Variants in CDKL3 observed in about 807,000 individuals in gnomAD.
The protein encoded by CDKL3 is cyclin dependent kinase like 3.
Under a neutral mutation model 69.3 loss-of-function variants are expected in CDKL3, and 65 were observed. The observed-to-expected ratio is 0.94, with a 90% CI of 0.77 to 1.15. The LOEUF is 1.15. CDKL3 is among the 50% of genes most tolerant of loss of function. CDKL3 has a pLI of 0.00. For synonymous variants in CDKL3, 202 were observed against 221.6 expected (o/e 0.91, Z 0.79); for missense variants, 652 against 689.2 (o/e 0.95, Z 0.61).
chr5:134,346,345 A>G (rs1751862656), intron 4 of CDKL3, among the ~76,000 whole-genome samples: 1 of 152,134 alleles, frequency 6.6e-6, no homozygotes, highest in South Asian at 2.1e-4. Context: ...ATAAAATCAG[A>G]CAGTGTTCTC....
intron 3 of CDKL3, among the ~76,000 whole-genome samples, chr5:134,351,521 A>G (rs955045590): frequency 1.3e-5 from 2 of 152,128 alleles, no homozygotes; most frequent in Admixed American, 6.6e-5. Flanking sequence ...TCAAGCAAGG[A>G]GCCTACCACC....
intron 4 of CDKL3, among the ~76,000 whole-genome samples, chr5:134,338,714 T>A (rs1020466628): frequency 2.7e-5 from 4 of 149,104 alleles, no homozygotes; most frequent in South Asian, 2.1e-4. Context: ...CACACACAGA[T>A]AGTAAAAAAA....
intron 10 of CDKL3, 35 bp downstream of exon 10, chr5:134,306,574 G>C: frequency 8.5e-7 from 1 of 1,172,148 alleles, no homozygotes; most frequent in Non-Finnish European, 1.3e-6. Flanking sequence ...AATGTTAAAA[G>C]AGGCCATATT....
At chr5:134,303,550 T>G (rs911540777) in intron 11 of CDKL3, among the ~76,000 whole-genome samples, 29 of 151,412 alleles carry the variant, frequency 1.9e-4, no homozygotes, top group Non-Finnish European at 4.4e-5. Context: ...TAATAAAAAA[T>G]TTATCCTTTG....
downstream of CDKL3, chr5:134,298,376 T>C (rs1206758841): frequency 8.3e-7 from 1 of 1,199,726 alleles, no homozygotes; most frequent in African/African-American, 1.6e-5. Flanking sequence ...GTTTGTATCA[T>C]GTCACGGCTT....
At chr5:134,371,336 C>T (rs1758380495), upstream of CDKL3, 3 of 589,648 alleles carry the variant, frequency 5.1e-6, no homozygotes, top group Admixed American at 9.1e-5. Context: ...GAACCGCGCC[C>T]CGCTGAAGGG....
In CDKL3 at chr5:134,366,973, G is replaced by C; in HGVS notation, c.-22+4C>G. ...CTCAAACCACACGTCTTAGGATGCC[G>C]GACCGGCGTCACGCCCCACGTCCCG... On this transcript the variant is annotated splice_donor_region_variant and intron_variant, in intron 1 of 12. Coordinates refer to ENST00000265334, the MANE Select transcript of CDKL3 (RefSeq NM_001113575.2). 2.0e-6 allele frequency: 2 copies of C among 989,594 alleles called. No individual in the cohort carries two copies. Among genetic ancestry groups the C allele is most frequent in the Non-Finnish European group, 2.4e-6 (2 of 832,726 alleles). 61.3% of individuals were successfully genotyped at this position (989,594 alleles called of 1,614,324 possible). A position where few individuals can be genotyped will look rare whatever the true frequency, so the allele number is the denominator to read the frequency against.
rs754299459 is a variant in CDKL3 at position 134,359,859 on chromosome 5, T to C, written c.360+38A>G. 3.1e-5 allele frequency: 41 copies of C among 1,329,782 alleles called. No homozygotes were observed. The East Asian group carries it at 7.4e-4, about 24-fold the overall frequency. 82.4% of individuals were successfully genotyped at this position (1,329,782 alleles called of 1,614,324 possible). ...ATGTATAAGGAGCACTTATGATTCA[T>C]ATTCATCCTACAAATTGGCTTATTC... is the stretch of plus-strand genomic sequence containing the variant. On this transcript the variant is annotated intron_variant, in intron 3 of 12. Transcript: ENST00000265334.
intron 3 of CDKL3, among the ~76,000 whole-genome samples, chr5:134,350,771 G>T (rs990438297): frequency 1.3e-5 from 2 of 149,334 alleles, no homozygotes; most frequent in East Asian, 3.9e-4. Context: ...CTTGAGGCCA[G>T]GAGTTTGAGA....
intron 12 of CDKL3, among the ~76,000 whole-genome samples, chr5:134,300,593 C>A (rs1217241838): frequency 7.2e-5 from 11 of 152,156 alleles, no homozygotes; most frequent in Non-Finnish European, 1.5e-5. Flanking sequence ...CAATTTCAGT[C>A]ACTTGTCAGA....
rs1335490029 is a variant in CDKL3 at position 134,308,244 on chromosome 5, C to A, written c.1258G>T (p.Glu420Ter). 1.2e-6 allele frequency: 2 copies of A among 1,613,828 alleles called. No individual in the cohort carries two copies. The highest frequency in any genetic ancestry group is 2.7e-5 in the African/African-American group (2 of 74,936). The change falls in exon 9 of 13, where the codon GAA becomes TAA. Residue 420 changes from glutamate to a stop codon, truncating the protein, a stop_gained. Coordinates refer to ENST00000265334, the MANE Select transcript of CDKL3 (RefSeq NM_001113575.2). LOFTEE classifies it high-confidence loss of function. ...ACAGAACCTCCGCAATGTGGATTTT[C>A]TTTCAAGCCATTACAGTTAGTGCTG... ...NPSTNCNGLKENPHCGGSVTM... is the reference protein window; with the variant it reads ...NPSTNCNGLK
rs373485492 is a variant in CDKL3 at position 134,346,785 on chromosome 5, C to T, written c.539+3464G>A. 5.3e-5 allele frequency among the ~76,000 whole-genome samples: 8 copies of T among 152,096 alleles called. No homozygotes were observed. The South Asian group carries it at 6.2e-4, about 12-fold the overall frequency. On this transcript the variant is annotated intron_variant, in intron 4 of 12. Coordinates refer to ENST00000265334, the MANE Select transcript of CDKL3 (RefSeq NM_001113575.2). Reference sequence around the variant, plus strand: ...TGCTGGGATTACAGGCATGAGCCACCGTGCCCAGCCGGGAAAAGGTATTAT... The same window carrying T: ...TGCTGGGATTACAGGCATGAGCCACTGTGCCCAGCCGGGAAAAGGTATTAT...
chr5:134,328,335 T>C (rs982892730), intron 4 of CDKL3, among the ~76,000 whole-genome samples: 3 of 152,196 alleles, frequency 2.0e-5, no homozygotes, highest in African/African-American at 7.2e-5. Context: ...AAATTACATG[T>C]ATATATGTAT....
chr5:134,371,592 G>A, upstream of CDKL3: 2 of 1,612,862 alleles, frequency 1.2e-6, no homozygotes, highest in South Asian at 1.1e-5. Context: ...GGCAGCTGCG[G>A]AGCATGTCGA....
At chr5:134,326,860 T>TAC (rs1561563659) in intron 4 of CDKL3, among the ~76,000 whole-genome samples, 6 of 96,758 alleles carry the variant, frequency 6.2e-5, no homozygotes, top group Non-Finnish European at 9.2e-5. Flanking sequence ...TATATATATA[T>TAC]ATATATACAC....
intron 9 of CDKL3, chr5:134,307,872 A>G (rs1768304112): frequency 5.1e-6 from 2 of 391,438 alleles, no homozygotes; most frequent in Non-Finnish European, 8.4e-6. Flanking sequence ...CTTCAAAAAT[A>G]AAAACATTTT....
At chr5:134,331,934 T>C (rs1775901715) in intron 4 of CDKL3, among the ~76,000 whole-genome samples, 1 of 152,196 alleles carries the variant, frequency 6.6e-6, no homozygotes, top group Non-Finnish European at 1.5e-5. Context: ...GTGTCCCTAT[T>C]TCTCCACATC....
chr5:134,323,141 T>C lies in CDKL3; in HGVS notation c.540-1238A>G, dbSNP rs561229986. Among the ~76,000 whole-genome samples the C allele has an allele frequency of 5.6e-4, 86 of 152,300 alleles. 1 individual carries two copies. Among genetic ancestry groups the C allele is most frequent in the Admixed American group, 1.0e-3 (16 of 15,296 alleles). ...TGTTCATCAATAGGAAGACTCAATA[T>C]TGTCAAGATGTCAGTTCTTCCAAGC... On this transcript the variant is annotated intron_variant, in intron 4 of 12. Coordinates refer to ENST00000265334, the MANE Select transcript of CDKL3 (RefSeq NM_001113575.2).
Position 134,304,401 on chromosome 5 carries a change from G to T in CDKL3, c.1621+4C>A. On this transcript the variant is annotated splice_donor_region_variant and intron_variant, in intron 11 of 12. Transcript: ENST00000265334. ...AATTGTAAAGCTATGCAACAAATGT[G>T]TACCTTCCATTCCTTTTGTATCTTT... The T allele has an allele frequency of 6.2e-7, 1 of 1,601,164 alleles. No individual in the cohort carries two copies. Among genetic ancestry groups the T allele is most frequent in the Non-Finnish European group, 8.5e-7 (1 of 1,173,052 alleles).
Sources: allele counts gnomAD v4.1 joint callset (sites outside exome capture counted in the v4.1 genomes callset), GRCh38; gene constraint gnomAD v4.1.1; transcripts MANE v1.5; gene names NCBI Gene and HGNC (gene_info 2026-07-23, HGNC 2026-07-21).